MICU1: variants seen among roughly 807,000 people sequenced by gnomAD.
MICU1 encodes the protein calcium uptake protein 1, mitochondrial.
In MICU1, 45 loss-of-function variants were observed where a neutral mutation model predicts 56.8. The ratio of observed to expected loss-of-function variants is 0.79; its 90% CI spans 0.62 to 1.02. The LOEUF (loss-of-function observed/expected upper bound fraction) is 1.02. Ranked by LOEUF, MICU1 falls within the 50% of genes least tolerant of loss-of-function variation. The probability of loss-of-function intolerance (pLI) is 0.00; values close to 1 mark genes in which losing one functional copy is unlikely to be tolerated. For synonymous variants in MICU1, 186 were observed against 195.1 expected (o/e 0.95, Z 0.39); for missense variants, 504 against 587.1 (o/e 0.86, Z 1.46).
chr10:72,471,380 G>A (rs933592885), intron 8 of MICU1, among the ~76,000 whole-genome samples: 1 of 152,126 alleles, frequency 6.6e-6, no homozygotes, highest in Non-Finnish European at 1.5e-5. Context: ...CACCATGCCC[G>A]GCCTTCTACG....
At chr10:72,601,165 T>C (rs1408747237) in intron 1 of MICU1, among the ~76,000 whole-genome samples, 1 of 152,114 alleles carries the variant, frequency 6.6e-6, no homozygotes, top group East Asian at 1.9e-4. Context: ...TTCAGACCTG[T>C]AATCCCAACA....
chr10:72,622,674 G>GAACT (rs1842132855), intron 1 of MICU1, among the ~76,000 whole-genome samples: 1 of 152,156 alleles, frequency 6.6e-6, no homozygotes, highest in Non-Finnish European at 1.5e-5. Context: ...TATGCAAAGG[G>GAACT]AACTAGTGGT....
intron 1 of MICU1, among the ~76,000 whole-genome samples, chr10:72,609,329 A>G (rs187961360): frequency 6.6e-6 from 1 of 152,356 alleles, no homozygotes; most frequent in Non-Finnish European, 1.5e-5. Context: ...GTACTTAATG[A>G]CAATGAAGTA....
chr10:72,541,824 A>G (rs1486196045), intron 4 of MICU1, among the ~76,000 whole-genome samples: 1 of 152,204 alleles, frequency 6.6e-6, no homozygotes, highest in African/African-American at 2.4e-5. Context: ...GAGAAGCATG[A>G]GCTAAATAAA....
intron 11 of MICU1, among the ~76,000 whole-genome samples, chr10:72,372,906 T>A (rs1247979548): frequency 6.1e-5 from 8 of 130,258 alleles, no homozygotes; most frequent in South Asian, 2.4e-4. Flanking sequence ...GCAACAAGAG[T>A]GAGCCTCAAA....
At position 72,563,017 on chromosome 10, in the gene MICU1, T is replaced by G. The variant is rs1272963795; in HGVS notation, c.208A>C (p.Ile70Leu). 1 of 1,604,794 alleles carries G rather than the reference T, an allele frequency of 6.2e-7. No individual in the cohort carries two copies. Among genetic ancestry groups the G allele is most frequent in the Non-Finnish European group, 8.5e-7 (1 of 1,176,156 alleles). ...PPCVDNLKSDIGDKGKNKDEG... is the reference protein window; with the variant it reads ...PPCVDNLKSDLGDKGKNKDEG... ...TCTTTATTCTTCCCTTTATCACCGATGTCACTTTTTAGGTTGTCTACACAT... is the reference window on the plus strand; with the variant it reads ...TCTTTATTCTTCCCTTTATCACCGAGGTCACTTTTTAGGTTGTCTACACAT... Residue 70 changes from isoleucine (I) to leucine (L), a missense_variant, in exon 3 of 12, where the codon ATC (isoleucine) becomes CTC (leucine). Ile to Leu is a conservative substitution (Grantham distance 5). Coordinates refer to ENST00000361114, the MANE Select transcript of MICU1 (RefSeq NM_001195518.2).
At chr10:72,440,067 CA>C (rs902644430) in intron 8 of MICU1, among the ~76,000 whole-genome samples, 2 of 151,512 alleles carry the variant, frequency 1.3e-5, no homozygotes, top group Non-Finnish European at 1.5e-5. Flanking sequence ...TCACATGGAA[CA>C]AAAAAAAGAG....
intron 8 of MICU1, among the ~76,000 whole-genome samples, chr10:72,470,330 AGAAG>A (rs1355200819): frequency 6.6e-6 from 1 of 152,236 alleles, no homozygotes; most frequent in Non-Finnish European, 1.5e-5. Flanking sequence ...GTCATCAATA[AGAAG>A]GTACTTATTC....
intron 8 of MICU1, among the ~76,000 whole-genome samples, chr10:72,465,737 C>T (rs538950636): frequency 1.6e-4 from 25 of 152,110 alleles, no homozygotes; most frequent in African/African-American, 6.0e-4. Context: ...TGGTCTCAAA[C>T]TCCTGACCTC....
At chr10:72,371,071 A>C (rs1226253664) in intron 11 of MICU1, among the ~76,000 whole-genome samples, 2 of 151,388 alleles carry the variant, frequency 1.3e-5, no homozygotes, top group African/African-American at 4.9e-5. Context: ...TTATATTGCA[A>C]TATAATAAAA....
At chr10:72,487,742 A>G (rs1022364938) in intron 6 of MICU1, among the ~76,000 whole-genome samples, 1 of 152,168 alleles carries the variant, frequency 6.6e-6, no homozygotes, top group African/African-American at 2.4e-5. Flanking sequence ...CTACCACAAC[A>G]ATGTCCTGCT....
chr10:72,611,045 C>T (rs147482462), intron 1 of MICU1, among the ~76,000 whole-genome samples: 3,280 of 152,254 alleles, frequency 0.022, 121 homozygotes, highest in African/African-American at 0.075. Context: ...TGGCTCACGC[C>T]TGTAATCCCA....
chr10:72,601,162 C>G (rs1379957774), intron 1 of MICU1, among the ~76,000 whole-genome samples: 1 of 151,900 alleles, frequency 6.6e-6, no homozygotes, highest in Non-Finnish European at 1.5e-5. Context: ...TGGTTCAGAC[C>G]TGTAATCCCA....
Position 72,417,877 on chromosome 10 carries a change from G to A in MICU1, c.1071+5357C>T, listed in dbSNP as rs570997602. ...ACCCTTTGTATTAGTTCGTTCTTAT[G>A]CTGTTAATAAAGACATACCTGAGAC... On this transcript the variant is annotated intron_variant, in intron 9 of 11. Coordinates refer to ENST00000361114, the MANE Select transcript of MICU1 (RefSeq NM_001195518.2). 9.2e-5 allele frequency among the ~76,000 whole-genome samples: 14 copies of A among 152,290 alleles called. No homozygotes were observed. In the South Asian group the frequency reaches 2.9e-3, roughly 32 times the overall value.
chr10:72,607,402 A>T (rs1841720603), intron 1 of MICU1, among the ~76,000 whole-genome samples: 1 of 150,170 alleles, frequency 6.7e-6, no homozygotes, highest in South Asian at 2.1e-4. Context: ...CCACTTGGGG[A>T]GGCTGAGGCA....
chr10:72,474,258 C>CAAAAAAAAAAAAAAAAAAAA (rs55978543), intron 8 of MICU1, among the ~76,000 whole-genome samples: 1 of 60,730 alleles, frequency 1.6e-5, no homozygotes, highest in African/African-American at 6.8e-5. Flanking sequence ...AGGACTGTCT[C>CAAAAAAAAAAAAAAAAAAAA]AAAAAAAAAA....
intron 1 of MICU1, among the ~76,000 whole-genome samples, chr10:72,608,883 G>A (rs940275626): frequency 3.3e-5 from 5 of 152,142 alleles, no homozygotes; most frequent in Non-Finnish European, 7.3e-5. Context: ...GCCATTTCTG[G>A]ACCTCACTCC....
chr10:72,434,663 T>C (rs565453662), intron 8 of MICU1, among the ~76,000 whole-genome samples: 1 of 152,234 alleles, frequency 6.6e-6, no homozygotes, highest in South Asian at 2.1e-4. Flanking sequence ...ATATAACAGC[T>C]CCAAATTTAG....
At chr10:72,583,943 T>C (rs1840975138) in intron 1 of MICU1, among the ~76,000 whole-genome samples, 1 of 152,188 alleles carries the variant, frequency 6.6e-6, no homozygotes, top group Non-Finnish European at 1.5e-5. Context: ...GAGAAGTGAG[T>C]ATCTTCCAAT....
Sources: allele counts gnomAD v4.1 joint callset (sites outside exome capture counted in the v4.1 genomes callset), GRCh38; gene constraint gnomAD v4.1.1; transcripts MANE v1.5; gene names NCBI Gene and HGNC (gene_info 2026-07-23, HGNC 2026-07-21).